Variants in KIF6 observed in about 807,000 individuals in gnomAD.
The protein encoded by KIF6 is kinesin family member 6.
A neutral mutation model predicts 112.7 loss-of-function variants in KIF6; 106 were observed. The ratio of observed to expected loss-of-function variants is 0.94; its 90% CI spans 0.80 to 1.11. The LOEUF (loss-of-function observed/expected upper bound fraction) is 1.11, where lower values mean the gene tolerates loss of function less well. Ranked by LOEUF, KIF6 falls within the 50% of genes least tolerant of loss-of-function variation. The pLI, the probability that KIF6 is intolerant of heterozygous loss-of-function variation, is 0.00. For missense variants in KIF6, 929 were observed against 964.0 expected (o/e 0.96, Z 0.48); for synonymous variants, 339 against 339.9 (o/e 1.00, Z 0.03).
Position 39,378,953 on chromosome 6 carries a change from C to T in KIF6, c.1861+6669G>A, listed in dbSNP as rs1224369642. On this transcript the variant is annotated intron_variant, in intron 16 of 22. Coordinates refer to ENST00000287152, the MANE Select transcript of KIF6 (RefSeq NM_145027.6). This position sits in a 1 kb window ranked among gnomAD's most constrained non-coding sequence, Gnocchi z 5.0. ...CAGTGAGCTATGCTTTAATGTCAGG[C>T]CTCTAGCTTTTATAGAGGGTCGATA... Among the ~76,000 whole-genome samples the T allele has an allele frequency of 6.6e-6, 1 of 152,156 alleles. No homozygotes were observed. The highest frequency in any genetic ancestry group is 1.5e-5 in the Non-Finnish European group (1 of 68,042).
intron 13 of KIF6, among the ~76,000 whole-genome samples, chr6:39,471,669 C>T (rs1022118512): frequency 5.9e-5 from 9 of 152,252 alleles, no homozygotes; most frequent in Non-Finnish European, 1.3e-4. Context: ...TGAGGACTGG[C>T]TCAAGGTAGA....
intron 5 of KIF6, among the ~76,000 whole-genome samples, chr6:39,630,981 T>C (rs1784323221): frequency 6.6e-6 from 1 of 152,090 alleles, no homozygotes. Context: ...TTAATTGATT[T>C]TTGAATGTTG....
At chr6:39,380,916 G>A (rs769302058) in intron 16 of KIF6, among the ~76,000 whole-genome samples, 2 of 152,128 alleles carry the variant, frequency 1.3e-5, no homozygotes, top group Admixed American at 6.5e-5. Flanking sequence ...ACATTTAATT[G>A]TAAACTTATC....
chr6:39,601,837 A>G (rs1419636696), intron 6 of KIF6, among the ~76,000 whole-genome samples: 53 of 152,122 alleles, frequency 3.5e-4, no homozygotes, highest in Admixed American at 3.4e-3. Context: ...TGTGCTATCT[A>G]CAAATGAAAA....
chr6:39,397,205 A>C (rs927614243), intron 15 of KIF6, among the ~76,000 whole-genome samples: 2 of 152,132 alleles, frequency 1.3e-5, no homozygotes, highest in Non-Finnish European at 2.9e-5. Flanking sequence ...CCATCACTTT[A>C]GTTAGTAATG....
chr6:39,475,991 T>TG (rs1009663403), intron 13 of KIF6, among the ~76,000 whole-genome samples: 1 of 150,862 alleles, frequency 6.6e-6, no homozygotes, highest in African/African-American at 2.4e-5. Flanking sequence ...AAGTGGGAGC[T>TG]GAACAAAAAG....
intron 15 of KIF6, among the ~76,000 whole-genome samples, chr6:39,400,280 G>A (rs976889707): frequency 1.3e-5 from 2 of 152,182 alleles, no homozygotes; most frequent in African/African-American, 4.8e-5. Context: ...CAAGAGGCAA[G>A]AAAGCTGTGC....
intron 13 of KIF6, among the ~76,000 whole-genome samples, chr6:39,528,313 C>T (rs889234396): frequency 7.9e-5 from 12 of 152,168 alleles, no homozygotes; most frequent in African/African-American, 2.9e-4. Context: ...AAAGGTTGAA[C>T]AGTATCGCAT....
At chr6:39,494,841 G>A (rs1775688803) in intron 13 of KIF6, among the ~76,000 whole-genome samples, 1 of 151,768 alleles carries the variant, frequency 6.6e-6, no homozygotes, top group Admixed American at 6.6e-5. Context: ...AAGAAAAAGT[G>A]TACAAATGTG....
At chr6:39,646,514 G>A (rs1006590755) in intron 3 of KIF6, among the ~76,000 whole-genome samples, 3 of 152,086 alleles carry the variant, frequency 2.0e-5, no homozygotes, top group Non-Finnish European at 4.4e-5. Context: ...GAGAGGGGAG[G>A]GGCAGGTGAA....
At chr6:39,473,999 T>C (rs1006532360) in intron 13 of KIF6, among the ~76,000 whole-genome samples, 3 of 152,182 alleles carry the variant, frequency 2.0e-5, no homozygotes, top group Non-Finnish European at 4.4e-5. Context: ...ATTTGGTCTC[T>C]GGAAAATCCG....
chr6:39,599,566 T>C (rs183601904), intron 6 of KIF6, among the ~76,000 whole-genome samples: 32 of 152,324 alleles, frequency 2.1e-4, no homozygotes, highest in Admixed American at 1.4e-3. Context: ...TGATTTTGCC[T>C]GCTAAAGTGG....
chr6:39,454,719 G>A (rs1479735686), intron 13 of KIF6, among the ~76,000 whole-genome samples: 5 of 152,120 alleles, frequency 3.3e-5, no homozygotes, highest in Admixed American at 3.3e-4. Flanking sequence ...AAGCGCAAGG[G>A]GTCAGGGAGT....
At chr6:39,382,438 C>T (rs978052858) in intron 16 of KIF6, among the ~76,000 whole-genome samples, 7 of 152,018 alleles carry the variant, frequency 4.6e-5, no homozygotes, top group Admixed American at 1.3e-4. Context: ...TCTGTTCCTG[C>T]GTTAATTCAT....
At chr6:39,371,219 CACTT>C (rs1386572944) in intron 16 of KIF6, among the ~76,000 whole-genome samples, 1 of 152,268 alleles carries the variant, frequency 6.6e-6, no homozygotes, top group South Asian at 2.1e-4. Context: ...CAACACTTGA[CACTT>C]ACATTCTTTC....
chr6:39,591,891 T>A (rs908512046), intron 7 of KIF6, among the ~76,000 whole-genome samples: 1 of 152,094 alleles, frequency 6.6e-6, no homozygotes, highest in Non-Finnish European at 1.5e-5. Flanking sequence ...GGCGGGCGGA[T>A]CACGAGGTCA....
intron 3 of KIF6, among the ~76,000 whole-genome samples, chr6:39,711,775 C>T (rs302587): frequency 0.86 from 130,681 of 152,114 alleles, 56,557 homozygotes; most frequent in East Asian, 0.97. Context: ...TTAAAATAAA[C>T]GTTAATAAAA....
intron 7 of KIF6, among the ~76,000 whole-genome samples, chr6:39,593,666 T>C (rs1442328958): frequency 3.3e-5 from 5 of 152,172 alleles, no homozygotes; most frequent in African/African-American, 1.2e-4. Flanking sequence ...GTGAATGTCA[T>C]TGAGACTCTG....
intron 3 of KIF6, among the ~76,000 whole-genome samples, chr6:39,694,201 C>A (rs1305412438): frequency 6.6e-6 from 1 of 151,374 alleles, no homozygotes; most frequent in East Asian, 1.9e-4. Context: ...GACAAACCCA[C>A]AGCCAACATC....
Sources: gnomAD v4.1 joint callset for allele counts (sites outside exome capture counted in the v4.1 genomes callset) on GRCh38, gnomAD v4.1.1 for gene constraint, Gnocchi (gnomAD v3.1) non-coding constraint, MANE v1.5 for transcripts, NCBI Gene and HGNC (gene_info 2026-07-23, HGNC 2026-07-21) for gene names.